FNIP1: variants seen among roughly 807,000 people sequenced by gnomAD.
The protein encoded by FNIP1 is folliculin-interacting protein 1.
Under a neutral mutation model 124.5 loss-of-function variants are expected in FNIP1, and 40 were observed. That is an observed-to-expected ratio of 0.32 (90% CI 0.25 to 0.42). The LOEUF is 0.42. FNIP1 is among the 10% of genes least tolerant of loss of function. FNIP1 has a pLI of 1.00. For synonymous variants in FNIP1, 472 were observed against 470.6 expected (o/e 1.00, Z -0.04); for missense variants, 1,176 against 1,403.7 (o/e 0.84, Z 2.59).
At chr5:131,735,999 TAAAGTAATCCTCCCACCTTGGCCTCCC>T (rs1423077571) in intron 2 of FNIP1, among the ~76,000 whole-genome samples, 1 of 152,146 alleles carries the variant, frequency 6.6e-6, no homozygotes, top group Non-Finnish European at 1.5e-5. Context: ...ACTCCTGGGC[TAAAGTAATCCTCCCACCTTGGCCTCCC>T]AAAGTAATCC....
chr5:131,777,730 T>C (rs1771859374), intron 1 of FNIP1, among the ~76,000 whole-genome samples: 1 of 152,224 alleles, frequency 6.6e-6, no homozygotes, highest in Admixed American at 6.5e-5. Context: ...TATCAAATCA[T>C]TATTTTGCAA....
At chr5:131,667,087 A>G (rs1362427616) in intron 15 of FNIP1, among the ~76,000 whole-genome samples, 1 of 152,246 alleles carries the variant, frequency 6.6e-6, no homozygotes, top group Non-Finnish European at 1.5e-5. Flanking sequence ...AAGGGCATCC[A>G]TACCACCAAC....
intron 15 of FNIP1, among the ~76,000 whole-genome samples, chr5:131,666,963 C>A (rs1265243831): frequency 6.6e-6 from 1 of 152,136 alleles, no homozygotes; most frequent in Non-Finnish European, 1.5e-5. Flanking sequence ...ACACAGAGTG[C>A]ATTAGAAGAA....
intron 3 of FNIP1, among the ~76,000 whole-genome samples, chr5:131,725,917 A>G (rs1769846442): frequency 6.6e-6 from 1 of 152,144 alleles, no homozygotes; most frequent in South Asian, 2.1e-4. Flanking sequence ...AGGGTGTTGA[A>G]TTTTATCGAA....
chr5:131,658,402 T>A (rs1372423803), intron 15 of FNIP1, among the ~76,000 whole-genome samples: 2 of 152,178 alleles, frequency 1.3e-5, no homozygotes. Context: ...GGGGCCAAGC[T>A]AACTTCGGAA....
intron 10 of FNIP1, among the ~76,000 whole-genome samples, chr5:131,701,096 G>T (rs1768886861): frequency 6.6e-6 from 1 of 152,136 alleles, no homozygotes; most frequent in South Asian, 2.1e-4. Context: ...GCTACCTCCT[G>T]TCACATCAGT....
intron 1 of FNIP1, among the ~76,000 whole-genome samples, chr5:131,775,341 T>G (rs1402045338): frequency 2.0e-5 from 3 of 152,052 alleles, no homozygotes; most frequent in African/African-American, 7.2e-5. Context: ...GCTTTTTAAA[T>G]TAACATGTAA....
chr5:131,695,532 T>C lies in FNIP1; in HGVS notation c.1202+3385A>G, dbSNP rs548552101. ...TCTTCAGACACAAACATGGATAGTATCAGAAGATGCACGAAAATCAGACTG... is the reference window on the plus strand; with the variant it reads ...TCTTCAGACACAAACATGGATAGTACCAGAAGATGCACGAAAATCAGACTG... On this transcript the variant is annotated intron_variant, in intron 11 of 17. Transcript: ENST00000510461. 1.0e-3 allele frequency among the ~76,000 whole-genome samples: 152 copies of C among 152,248 alleles called. 1 individual carries two copies. Among genetic ancestry groups the C allele is most frequent in the African/African-American group, 3.5e-3 (145 of 41,544 alleles).
At chr5:131,731,881 T>G (rs1449496734) in intron 2 of FNIP1, among the ~76,000 whole-genome samples, 7 of 152,130 alleles carry the variant, frequency 4.6e-5, no homozygotes, top group Non-Finnish European at 1.5e-5. Context: ...TGGGGAGAAA[T>G]GCAGGGATGA....
chr5:131,794,881 A>C (rs1772530214), intron 1 of FNIP1, among the ~76,000 whole-genome samples: 1 of 152,246 alleles, frequency 6.6e-6, no homozygotes, highest in Non-Finnish European at 1.5e-5. Flanking sequence ...GTTAGGCTAC[A>C]ACAGAGCATG....
intron 16 of FNIP1, among the ~76,000 whole-genome samples, chr5:131,647,437 CA>C (rs1766920693): frequency 7.0e-6 from 1 of 142,808 alleles, no homozygotes; most frequent in African/African-American, 2.6e-5. Context: ...TTTAACTGTG[CA>C]AAAATACACA....
chr5:131,682,232 C>T (rs1220289425), intron 11 of FNIP1, among the ~76,000 whole-genome samples: 2 of 152,168 alleles, frequency 1.3e-5, no homozygotes, highest in African/African-American at 4.8e-5. Flanking sequence ...TGTCATTGCA[C>T]AGAGCCAGAT....
chr5:131,653,652 T>C (rs1017120093), intron 15 of FNIP1, among the ~76,000 whole-genome samples: 5 of 152,210 alleles, frequency 3.3e-5, no homozygotes, highest in South Asian at 2.1e-4. Context: ...GTATGAAGTA[T>C]TGAAGATCTC....
chr5:131,788,847 A>G lies in FNIP1; in HGVS notation c.92+7983T>C, dbSNP rs527893216. ...AAAAAGCAGATAAAATTAACAACCA[A>G]AATTATAATATTTGCACTTCTTACT... On this transcript the variant is annotated intron_variant, in intron 1 of 17. Transcript: ENST00000510461. Among the ~76,000 whole-genome samples, 26 of 152,302 alleles carry G rather than the reference A, an allele frequency of 1.7e-4. 2 individuals carry two copies. The South Asian group carries it at 5.4e-3, about 32-fold the overall frequency.
intron 1 of FNIP1, among the ~76,000 whole-genome samples, chr5:131,787,368 C>G (rs988655500): frequency 6.6e-6 from 1 of 152,018 alleles, no homozygotes; most frequent in Non-Finnish European, 1.5e-5. Flanking sequence ...TGTGAGAACT[C>G]GAGTTTGAAA....
chr5:131,675,435 A>G (rs939640770), intron 13 of FNIP1, among the ~76,000 whole-genome samples: 1 of 152,210 alleles, frequency 6.6e-6, no homozygotes, highest in African/African-American at 2.4e-5. Context: ...GACAGTCAAC[A>G]AATGATTGTA....
chr5:131,694,521 TACA>T (rs1352987830), intron 11 of FNIP1, among the ~76,000 whole-genome samples: 14 of 152,232 alleles, frequency 9.2e-5, no homozygotes, highest in Admixed American at 8.5e-4. Context: ...ATTTCAAGCA[TACA>T]ACATTCTGGA....
chr5:131,773,595 G>C (rs1056268127), intron 1 of FNIP1, among the ~76,000 whole-genome samples: 1 of 152,194 alleles, frequency 6.6e-6, no homozygotes, highest in African/African-American at 2.4e-5. Flanking sequence ...TTGTACAGCT[G>C]ATGTAGATAC....
rs26006 is a variant in FNIP1, at chr5:131,647,075, A to G, written c.3422+15T>C. On this transcript the variant is annotated intron_variant, in intron 17 of 17. Coordinates refer to ENST00000510461, the MANE Select transcript of FNIP1 (RefSeq NM_133372.3). Reference sequence around the variant, plus strand: ...GGCAATGAAAGCAAAGCCAAAAAAGAAACCATTAACATACCCCAGAACCAC... The same window carrying G: ...GGCAATGAAAGCAAAGCCAAAAAAGGAACCATTAACATACCCCAGAACCAC... 1,184,305 of 1,610,784 alleles carry G rather than the reference A, an allele frequency of 0.74. 443,284 individuals carry two copies. The highest frequency in any genetic ancestry group is 0.78 in the Non-Finnish European group (913,808 of 1,177,804).
Sources: allele counts gnomAD v4.1 joint callset (sites outside exome capture counted in the v4.1 genomes callset), GRCh38; gene constraint gnomAD v4.1.1; transcripts MANE v1.5; gene names NCBI Gene and HGNC (gene_info 2026-07-23, HGNC 2026-07-21).